The following P4HA2 variants were observed in gnomAD, a reference collection of about 807,000 sequenced individuals.
The protein encoded by P4HA2 is prolyl 4-hydroxylase subunit alpha-2.
Under a neutral mutation model 76.9 loss-of-function variants are expected in P4HA2, and 46 were observed. That is an observed-to-expected ratio of 0.60 (90% CI 0.47 to 0.76). The LOEUF (loss-of-function observed/expected upper bound fraction) is 0.76. Among genes scored for constraint, P4HA2 ranks in the 30% least tolerant of loss-of-function variants. The pLI, the probability that P4HA2 is intolerant of heterozygous loss-of-function variation, is 0.00. For missense variants in P4HA2, 583 were observed against 669.4 expected, an observed-to-expected ratio of 0.87 and a Z score of 1.42; for synonymous variants, 243 against 254.0, an observed-to-expected ratio of 0.96 and a Z score of 0.41.
At chr5:132,207,304 A>T (rs1252777230) in intron 8 of P4HA2, among the ~76,000 whole-genome samples, 1 of 152,212 alleles carries the variant, frequency 6.6e-6, no homozygotes, top group East Asian at 1.9e-4. Context: ...TATTATAAAG[A>T]TATACATTCT....
At chr5:132,205,565 C>T (rs1042883242) in intron 8 of P4HA2, among the ~76,000 whole-genome samples, 2 of 152,106 alleles carry the variant, frequency 1.3e-5, no homozygotes, top group Non-Finnish European at 2.9e-5. Flanking sequence ...AGTGAGGCCA[C>T]GACAGAGGTC....
chr5:132,197,610 A>T (rs1019749443), intron 12 of P4HA2, among the ~76,000 whole-genome samples: 12 of 144,954 alleles, frequency 8.3e-5, no homozygotes, highest in African/African-American at 3.1e-4. Flanking sequence ...TCCATCTCCA[A>T]AAAAAAAAAA....
intron 10 of P4HA2, chr5:132,199,780 A>G (rs1313190352): frequency 1.3e-5 from 2 of 152,210 alleles, no homozygotes; most frequent in African/African-American, 2.4e-5. Flanking sequence ...CTCACTGAAA[A>G]CATAAAAACC....
At chr5:132,209,366 C>G in intron 6 of P4HA2, 35 bp from the exon 7 acceptor site, 1 of 1,520,140 alleles carries the variant, frequency 6.6e-7, no homozygotes, top group Non-Finnish European at 9.1e-7. Context: ...GAAAAGGAAA[C>G]CACAAACATC....
chr5:132,218,452 T>A, intron 2 of P4HA2, 93 bp downstream of exon 2: 1 of 843,256 alleles, frequency 1.2e-6, no homozygotes, highest in East Asian at 2.6e-5. Context: ...TAGTTAAGGC[T>A]ATCCCACTCT....
At chr5:132,221,470 T>C (rs1374853513) in intron 1 of P4HA2, among the ~76,000 whole-genome samples, 1 of 152,178 alleles carries the variant, frequency 6.6e-6, no homozygotes, top group Non-Finnish European at 1.5e-5. Context: ...TTCTATACAA[T>C]GAGTTTTTAT....
intron 14 of P4HA2, among the ~76,000 whole-genome samples, chr5:132,194,200 C>A (rs1371168650): frequency 1.3e-5 from 2 of 152,086 alleles, no homozygotes; most frequent in East Asian, 1.9e-4. Context: ...TGTGTTACAC[C>A]TGAGCCATCT....
chr5:132,192,895 A>T lies in P4HA2; in HGVS notation c.*115T>A. The T allele has an allele frequency of 1.3e-6, 1 of 749,328 alleles. No homozygotes were observed. The highest frequency in any genetic ancestry group is 1.5e-5 in the South Asian group (1 of 64,846). 46.4% of individuals were successfully genotyped at this position (749,328 alleles called of 1,614,324 possible). A position where few individuals can be genotyped will look rare whatever the true frequency, so the allele number is the denominator to read the frequency against. On this transcript the variant is annotated 3_prime_UTR_variant, in exon 15 of 15. Coordinates refer to ENST00000360568, the MANE Select transcript of P4HA2 (RefSeq NM_001017974.2). ...AGTATGGTCTCCCTCTGCTCCAGAC[A>T]AACATTCATTTCTCCAAAAATCAGC...
intron 12 of P4HA2, chr5:132,198,104 T>C: frequency 6.5e-7 from 1 of 1,548,870 alleles, no homozygotes; most frequent in South Asian, 1.2e-5. Context: ...GACCTGACCA[T>C]TACTTAACAG....
At chr5:132,198,560 A>G (rs1751028471) in intron 11 of P4HA2, among the ~76,000 whole-genome samples, 180 bp from the exon 12 acceptor site, 1 of 152,198 alleles carries the variant, frequency 6.6e-6, no homozygotes, top group Non-Finnish European at 1.5e-5. Context: ...GGAAGAGGAA[A>G]AGGGACAAGA....
intron 5 of P4HA2, among the ~76,000 whole-genome samples, chr5:132,210,879 A>T (rs1193939416): frequency 6.6e-6 from 1 of 152,194 alleles, no homozygotes; most frequent in African/African-American, 2.4e-5. Flanking sequence ...AGTTTGCCAT[A>T]TGAGTCTAGA....
chr5:132,193,014 T>A lies in P4HA2; in HGVS notation c.1598A>T (p.Asp533Val). 1 of 1,604,878 alleles carries A rather than the reference T, an allele frequency of 6.2e-7. No individual in the cohort carries two copies. Among genetic ancestry groups the A allele is most frequent in the Non-Finnish European group, 8.5e-7 (1 of 1,171,554 alleles). The change falls in exon 15 of 15, where the codon GAC (aspartate) becomes GTC (valine). Residue 533 changes from aspartate to valine, a missense_variant. By Grantham distance (152) the Asp-to-Val change is radical (BLOSUM62 -3). Coordinates refer to ENST00000360568, the MANE Select transcript of P4HA2 (RefSeq NM_001017974.2). ...GGGGAAGGACAGAAAAGGATGTCAG[T>A]CAACTTCTGTTGATCCACAAGGTCT... ...FLRPCGSTEV[D>V]
At chr5:132,197,345 C>T (rs1345412066) in intron 12 of P4HA2, among the ~76,000 whole-genome samples, 2 of 152,274 alleles carry the variant, frequency 1.3e-5, no homozygotes, top group Admixed American at 6.5e-5. Flanking sequence ...CAGTGGCTCA[C>T]GCCTGTAATC....
intron 3 of P4HA2, 137 bp from the exon 4 acceptor site, chr5:132,217,485 G>A: frequency 1.3e-6 from 1 of 764,326 alleles, no homozygotes; most frequent in Non-Finnish European, 2.2e-6. Context: ...AATGAATACA[G>A]TAACTCCCCA....
At position 132,225,253 on chromosome 5, in the gene P4HA2, T is replaced by C. The variant is rs894764360; in HGVS notation, c.-19+2537A>G. ...ACTCCAGCACTCTGCTGGGCTTGCA[T>C]GTACTTGCATCACAGCTTTTCCTGC... On this transcript the variant is annotated intron_variant, in intron 1 of 14. Transcript: ENST00000360568. Among the ~76,000 whole-genome samples the C allele has an allele frequency of 2.0e-5, 3 of 152,072 alleles. No homozygotes were observed. In the South Asian group the frequency reaches 6.2e-4, roughly 31 times the overall value.
intron 12 of P4HA2, among the ~76,000 whole-genome samples, chr5:132,197,277 A>T (rs1750767414): frequency 6.6e-6 from 1 of 152,178 alleles, no homozygotes; most frequent in Admixed American, 6.5e-5. Flanking sequence ...CAGGGCACCC[A>T]TCCCAAAAGT....
chr5:132,215,833 G>C (rs1753766954), intron 4 of P4HA2, among the ~76,000 whole-genome samples: 1 of 120,544 alleles, frequency 8.3e-6, no homozygotes, highest in Non-Finnish European at 1.6e-5. Flanking sequence ...GGCTAATATA[G>C]TGAGACCCTG....
Position 132,220,762 on chromosome 5 carries a change from T to C in P4HA2, c.-18-2118A>G, listed in dbSNP as rs112600037. Among the ~76,000 whole-genome samples the C allele has an allele frequency of 4.4e-3, 663 of 151,900 alleles. 6 individuals carry two copies. Among genetic ancestry groups the C allele is most frequent in the African/African-American group, 0.015 (627 of 41,518 alleles). ...AGGCAGAGCCTCAAAGAATCACAGATAGGGTTTGGGCAGAGCCTCAAAGAA... is the reference window on the plus strand; with the variant it reads ...AGGCAGAGCCTCAAAGAATCACAGACAGGGTTTGGGCAGAGCCTCAAAGAA... On this transcript the variant is annotated intron_variant, in intron 1 of 14. Transcript: ENST00000360568.
intron 3 of P4HA2, 87 bp from the exon 4 acceptor site, chr5:132,217,435 T>C: frequency 7.5e-7 from 1 of 1,340,260 alleles, no homozygotes; most frequent in Non-Finnish European, 1.1e-6. Flanking sequence ...AATTCCCTGG[T>C]GCCAGGTTCT....
Sources: gnomAD v4.1 joint callset for allele counts (sites outside exome capture counted in the v4.1 genomes callset) on GRCh38, gnomAD v4.1.1 for gene constraint, MANE v1.5 for transcripts, NCBI Gene and HGNC (gene_info 2026-07-23, HGNC 2026-07-21) for gene names.